The following CUBN variants were observed in gnomAD, a reference collection of about 807,000 sequenced individuals.
CUBN encodes the protein cubilin, also known as 460 kDa receptor.
CUBN carries 282 observed loss-of-function variants against 405.3 expected under a neutral mutation model. That is an observed-to-expected ratio of 0.70 (90% CI 0.63 to 0.77). The LOEUF (loss-of-function observed/expected upper bound fraction) is 0.77. Ranked by LOEUF, CUBN falls within the 30% of genes least tolerant of loss-of-function variation. CUBN has a pLI of 0.00. For missense variants in CUBN, 4,514 were observed against 4,475.2 expected (o/e 1.01, Z -0.25); for synonymous variants, 1,684 against 1,617.0 (o/e 1.04, Z -0.99).
chr10:16,981,635 G>A (rs1182557322), intron 31 of CUBN, among the ~76,000 whole-genome samples: 9 of 152,148 alleles, frequency 5.9e-5, no homozygotes, highest in Non-Finnish European at 8.8e-5. Context: ...GGACGCTGCC[G>A]TGGGCCGTGC....
At chr10:17,087,472 C>CTTTGTTTTTTTTTTTTTTTTTTTT in intron 15 of CUBN, among the ~76,000 whole-genome samples, 1 of 71,732 alleles carries the variant, frequency 1.4e-5, no homozygotes, top group African/African-American at 4.7e-5. Context: ...TTTTCTTTTT[C>CTTTGTTTTTTTTTTTTTTTTTTTT]TTTTTTTTTT....
At chr10:16,914,844 G>C (rs1841837449) in intron 47 of CUBN, among the ~76,000 whole-genome samples, 188 bp downstream of exon 47, 1 of 152,114 alleles carries the variant, frequency 6.6e-6, no homozygotes. Context: ...CGTGATACTA[G>C]TTATTTTCCC....
chr10:16,994,771 G>T (rs1480369118), intron 28 of CUBN, among the ~76,000 whole-genome samples: 1 of 152,156 alleles, frequency 6.6e-6, no homozygotes, highest in Non-Finnish European at 1.5e-5. Context: ...CCTTTCAAAA[G>T]AAGATAAAAG....
intron 22 of CUBN, among the ~76,000 whole-genome samples, chr10:17,060,580 C>T (rs1158893587): frequency 1.3e-5 from 2 of 152,210 alleles, no homozygotes; most frequent in African/African-American, 4.8e-5. Context: ...TGCTGGGACA[C>T]CTGTACATAC....
chr10:16,953,500 T>A (rs1842972633), intron 32 of CUBN, among the ~76,000 whole-genome samples: 1 of 152,098 alleles, frequency 6.6e-6, no homozygotes, highest in Non-Finnish European at 1.5e-5. Context: ...TGAATACAAG[T>A]CATCTCTGAC....
chr10:16,952,414 C>T (rs752454656), intron 32 of CUBN, 25 bp from the exon 33 acceptor site: 4 of 1,277,646 alleles, frequency 3.1e-6, no homozygotes, highest in Non-Finnish European at 4.6e-6. Context: ...AACACACATA[C>T]ATGTCATATG....
At chr10:16,959,486 G>A (rs1843159414) in intron 31 of CUBN, among the ~76,000 whole-genome samples, 1 of 152,090 alleles carries the variant, frequency 6.6e-6, no homozygotes, top group African/African-American at 2.4e-5. Context: ...AAATTAGCCA[G>A]ATGTAGTGGC....
chr10:16,872,835 C>T lies in CUBN; in HGVS notation c.9236+1539G>A, dbSNP rs144972162. On this transcript the variant is annotated intron_variant, in intron 58 of 66. Coordinates refer to ENST00000377833, the MANE Select transcript of CUBN (RefSeq NM_001081.4). ...TACTTCACAGAACTCCTGCTCCTGG[C>T]CATCTGACAGTTTCTGTTCTTTTGT... 3.0e-4 allele frequency among the ~76,000 whole-genome samples: 46 copies of T among 152,308 alleles called. No homozygotes were observed. In the East Asian group the frequency reaches 5.8e-3, roughly 19 times the overall value.
At chr10:16,898,066 G>GTGTATATA (rs1554789718) in intron 54 of CUBN, among the ~76,000 whole-genome samples, 1 of 145,032 alleles carries the variant, frequency 6.9e-6, no homozygotes, top group African/African-American at 2.5e-5. Context: ...TTTATTATAT[G>GTGTATATA]TATATATATA....
At chr10:16,867,660 G>A (rs1840225861) in intron 59 of CUBN, among the ~76,000 whole-genome samples, 1 of 152,140 alleles carries the variant, frequency 6.6e-6, no homozygotes, top group African/African-American at 2.4e-5. Context: ...AAGGAGTTCC[G>A]TTTCTACATT....
At chr10:16,876,090 A>G (rs1244971706) in intron 57 of CUBN, among the ~76,000 whole-genome samples, 1 of 152,200 alleles carries the variant, frequency 6.6e-6, no homozygotes, top group Non-Finnish European at 1.5e-5. Context: ...TCTTCTCTGG[A>G]GATGGGAACA....
At chr10:17,087,460 A>ATTTTTTTTTTTT (rs1564510318) in intron 15 of CUBN, among the ~76,000 whole-genome samples, 2 of 99,124 alleles carry the variant, frequency 2.0e-5, no homozygotes, top group Non-Finnish European at 3.9e-5. Flanking sequence ...AATCACTATT[A>ATTTTTTTTTTTT]TTTTTCTTTT....
chr10:16,838,818 G>C (rs994766792), intron 62 of CUBN, among the ~76,000 whole-genome samples: 2 of 152,092 alleles, frequency 1.3e-5, no homozygotes, highest in Non-Finnish European at 2.9e-5. Flanking sequence ...CTAATTTTTT[G>C]TATTTTCAGT....
chr10:16,900,914 C>A, intron 52 of CUBN, 64 bp from the exon 53 acceptor site: 1 of 1,080,940 alleles, frequency 9.3e-7, no homozygotes, highest in South Asian at 1.4e-5. Context: ...AGATAAGGCC[C>A]TTACAAATCG....
chr10:16,838,042 G>C (rs1461682164), intron 62 of CUBN, among the ~76,000 whole-genome samples: 1 of 152,112 alleles, frequency 6.6e-6, no homozygotes, highest in East Asian at 1.9e-4. Context: ...AGTCCTCTAG[G>C]GTACCAATGG....
intron 31 of CUBN, among the ~76,000 whole-genome samples, chr10:16,976,959 G>A (rs7903434): frequency 5.3e-5 from 8 of 152,240 alleles, no homozygotes; most frequent in African/African-American, 1.7e-4. Context: ...GCAGTTCCTT[G>A]CTGAAAGTTC....
At chr10:16,964,979 C>T (rs1338433213) in intron 31 of CUBN, among the ~76,000 whole-genome samples, 1 of 152,250 alleles carries the variant, frequency 6.6e-6, no homozygotes. Flanking sequence ...TCCTGTCCCT[C>T]TCATTTCTCC....
chr10:16,994,518 C>T (rs1219262521), intron 28 of CUBN, among the ~76,000 whole-genome samples: 2 of 151,912 alleles, frequency 1.3e-5, no homozygotes, highest in African/African-American at 4.8e-5. Flanking sequence ...GGATGCATGA[C>T]AAAGGGATAA....
At chr10:16,978,743 G>C (rs1833172791) in intron 31 of CUBN, among the ~76,000 whole-genome samples, 1 of 152,118 alleles carries the variant, frequency 6.6e-6, no homozygotes, top group African/African-American at 2.4e-5. Flanking sequence ...ACAAATGAAA[G>C]ATGAAAAACT....
Sources: allele counts gnomAD v4.1 joint callset (sites outside exome capture counted in the v4.1 genomes callset), GRCh38; gene constraint gnomAD v4.1.1; transcripts MANE v1.5; gene names NCBI Gene and HGNC (gene_info 2026-07-23, HGNC 2026-07-21).